KMT2A: variants seen among roughly 807,000 people sequenced by gnomAD.
KMT2A encodes the protein histone-lysine N-methyltransferase 2A.
In KMT2A, 16 loss-of-function variants were observed where a neutral mutation model predicts 345.3. The observed-to-expected ratio is 0.05, with a 90% CI of 0.03 to 0.07. The LOEUF is 0.07. Ranked by LOEUF, KMT2A falls within the 10% of genes least tolerant of loss-of-function variation. KMT2A has a pLI of 1.00. For missense variants in KMT2A, 3,272 were observed against 4,841.6 expected (o/e 0.68, Z 9.62); for synonymous variants, 1,599 against 1,778.6 (o/e 0.90, Z 2.54).
intron 31 of KMT2A, among the ~76,000 whole-genome samples, chr11:118,512,692 T>C (rs1162227844): frequency 6.6e-6 from 1 of 152,232 alleles, no homozygotes; most frequent in Non-Finnish European, 1.5e-5. Context: ...CTTTAACTTT[T>C]TGAAGTACTG....
intron 2 of KMT2A, among the ~76,000 whole-genome samples, 165 bp downstream of exon 2, chr11:118,469,009 A>C (rs1200865564): frequency 6.6e-6 from 1 of 152,020 alleles, no homozygotes; most frequent in Admixed American, 6.6e-5. Flanking sequence ...TTATTGTTAT[A>C]CTTTAAGTTT....
At chr11:118,455,794 C>T (rs923964449) in intron 1 of KMT2A, among the ~76,000 whole-genome samples, 1 of 151,696 alleles carries the variant, frequency 6.6e-6, no homozygotes, top group Non-Finnish European at 1.5e-5. Flanking sequence ...ACCTCCTGGG[C>T]TCTGGTGATC....
chr11:118,468,915 C>G, intron 2 of KMT2A, 71 bp downstream of exon 2: 1 of 1,190,780 alleles, frequency 8.4e-7, no homozygotes, highest in African/African-American at 1.5e-5. Context: ...CTCTTGCCTT[C>G]TTTACATGTA....
In KMT2A at chr11:118,484,939, G is replaced by A; in HGVS notation, c.4296G>A (p.Val1432=). The change falls in exon 10 of 36, where the codon GTG becomes GTA. Residue 1432 remains valine, a synonymous_variant. Coordinates refer to ENST00000534358, the MANE Select transcript of KMT2A (RefSeq NM_001197104.2). This position sits in a 1 kb window ranked among gnomAD's most constrained non-coding sequence, Gnocchi z 4.1. ...CTTCTGTTCCTATAACACCCAGGGTGGTTTGCTTTCTCTGTGCCAGTAGTG... is the reference window on the plus strand; with the variant it reads ...CTTCTGTTCCTATAACACCCAGGGTAGTTTGCTTTCTCTGTGCCAGTAGTG... The part of the protein sequence containing the change: ...ILTSVPITPR[V]VCFLCASSGH... The A allele has an allele frequency of 6.2e-7, 1 of 1,613,524 alleles. No individual in the cohort carries two copies. Among genetic ancestry groups the A allele is most frequent in the Non-Finnish European group, 8.5e-7 (1 of 1,179,712 alleles).
intron 6 of KMT2A, 109 bp from the exon 7 acceptor site, chr11:118,481,606 G>T (rs1950133414): frequency 1.7e-6 from 2 of 1,161,266 alleles, no homozygotes; most frequent in African/African-American, 3.1e-5. Context: ...CTTTATTTTG[G>T]TATATACCTA....
intron 31 of KMT2A, chr11:118,519,338 G>A (rs1950904929): frequency 3.0e-6 from 1 of 332,700 alleles, no homozygotes; most frequent in Admixed American, 4.0e-5. Context: ...CGTGTATATA[G>A]CATTAGCATA....
chr11:118,447,982 C>T, intron 1 of KMT2A: 1 of 156,506 alleles, frequency 6.4e-6, no homozygotes, highest in Non-Finnish European at 1.4e-5. Flanking sequence ...GTCCTGCCTA[C>T]ATATGTATAA....
In KMT2A at chr11:118,510,061, C is replaced by A. The variant is rs1225120880; in HGVS notation, c.11014C>A (p.Leu3672Ile). ...SITEKKPKKG[L>I]VFEISSDDGF... ...TACTGAGAAAAAACCCAAGAAAGGA[C>A]TTGTTTTTGAAATTTCCAGTGATGA... The change falls in exon 30 of 36, where the codon CTT (leucine) becomes ATT (isoleucine). Residue 3672 changes from leucine (L) to isoleucine (I), a missense_variant. This residue lies in a region of KMT2A where 748 missense variants were observed against 922.2 expected (regional missense o/e 0.81). Coordinates refer to ENST00000534358, the MANE Select transcript of KMT2A (RefSeq NM_001197104.2). This position sits in a 1 kb window ranked among gnomAD's most constrained non-coding sequence, Gnocchi z 4.1. 6.2e-7 allele frequency: 1 copy of A among 1,613,650 alleles called. No individual in the cohort carries two copies. Among genetic ancestry groups the A allele is most frequent in the Non-Finnish European group, 8.5e-7 (1 of 1,179,808 alleles).
chr11:118,507,415 T>C, intron 27 of KMT2A, 114 bp from the exon 28 acceptor site: 1 of 873,340 alleles, frequency 1.1e-6, no homozygotes, highest in Non-Finnish European at 1.8e-6. Flanking sequence ...TCAGTTTTGC[T>C]GGCTTATAGA....
chr11:118,509,128 T>A lies in KMT2A; in HGVS notation c.10836-8T>A, dbSNP rs1555049375. The A allele has an allele frequency of 6.2e-7, 1 of 1,613,208 alleles. No individual in the cohort carries two copies. The highest frequency in any genetic ancestry group is 8.5e-7 in the Non-Finnish European group (1 of 1,179,336). ...TGATATTATATCTTACATTTGGTTT[T>A]TATTTAGGCAAGTCGCTGTTCTTCC... On this transcript the variant is annotated splice_polypyrimidine_tract_variant and splice_region_variant and intron_variant, in intron 28 of 35. Coordinates refer to ENST00000534358, the MANE Select transcript of KMT2A (RefSeq NM_001197104.2).
In KMT2A at chr11:118,523,004, G is replaced by A. The variant is rs543633398; in HGVS notation, c.*832G>A. 4 of 221,508 alleles carry A rather than the reference G, an allele frequency of 1.8e-5. No individual in the cohort carries two copies. Among genetic ancestry groups the A allele is most frequent in the African/African-American group, 6.7e-5 (3 of 44,742 alleles). The allele number at this position is 221,508 out of a possible 1,614,324, so 13.7% of individuals were successfully genotyped here. A position where few individuals can be genotyped will look rare whatever the true frequency, so the allele number is the denominator to read the frequency against. On this transcript the variant is annotated 3_prime_UTR_variant, in exon 36 of 36. Coordinates refer to ENST00000534358, the MANE Select transcript of KMT2A (RefSeq NM_001197104.2). ...TCCCTGCTGGGCATAGGATGTGCCT[G>A]CAAAAAGTTCCCTGAGCCTGTAAGC... is the stretch of plus-strand genomic sequence containing the variant.
chr11:118,445,556 G>A (rs987830994), intron 1 of KMT2A, among the ~76,000 whole-genome samples: 1 of 152,222 alleles, frequency 6.6e-6, no homozygotes, highest in Non-Finnish European at 1.5e-5. Context: ...ATGAGTGCTG[G>A]TCTACAGAGA....
intron 1 of KMT2A, among the ~76,000 whole-genome samples, chr11:118,442,060 G>A (rs1428894862): frequency 1.3e-5 from 2 of 152,166 alleles, no homozygotes; most frequent in Non-Finnish European, 2.9e-5. Flanking sequence ...TTTAATTGTA[G>A]GTCTCCTAAT....
chr11:118,474,878 A>C (rs1950006546), intron 3 of KMT2A, among the ~76,000 whole-genome samples: 1 of 152,090 alleles, frequency 6.6e-6, no homozygotes, highest in Non-Finnish European at 1.5e-5. Flanking sequence ...TAATCCCATC[A>C]CTTTGGGAGG....
At chr11:118,467,801 A>G (rs1949873172) in intron 1 of KMT2A, among the ~76,000 whole-genome samples, 2 of 152,206 alleles carry the variant, frequency 1.3e-5, no homozygotes, top group South Asian at 4.1e-4. Context: ...ACTTACCACT[A>G]TAAATTGGAG....
chr11:118,522,897 T>A lies in KMT2A; in HGVS notation c.*725T>A, dbSNP rs1302537645. On this transcript the variant is annotated 3_prime_UTR_variant, in exon 36 of 36. Coordinates refer to ENST00000534358, the MANE Select transcript of KMT2A (RefSeq NM_001197104.2). This position sits in a 1 kb window ranked among gnomAD's most constrained non-coding sequence, Gnocchi z 5.4. The stretch of plus-strand genomic sequence containing the variant: ...CCCATTCCCTCTTCACTCCCTTTTC[T>A]TCCTTTCCCCTGTCTTCATGCCACT... 2 of 225,538 alleles carry A rather than the reference T, an allele frequency of 8.9e-6. No homozygotes were observed. The highest frequency in any genetic ancestry group is 1.8e-5 in the Non-Finnish European group (2 of 113,014). The allele number at this position is 225,538 out of a possible 1,614,324, so 14.0% of individuals were successfully genotyped here.
rs1949948082 is a variant in KMT2A, at chr11:118,471,870, T to C, written c.711T>C (p.His237=). 2.5e-6 allele frequency: 4 copies of C among 1,612,240 alleles called. No individual in the cohort carries two copies. Among genetic ancestry groups the C allele is most frequent in the East Asian group, 2.2e-5 (1 of 44,872 alleles). ...CTGGAGTAAAAATCAAAATAACACATGGAAAGGACATTTCAGAGTTACCAA... is the reference window on the plus strand; with the variant it reads ...CTGGAGTAAAAATCAAAATAACACACGGAAAGGACATTTCAGAGTTACCAA... ...TFPGVKIKIT[H]GKDISELPKG... Residue 237 remains histidine, a synonymous_variant, in exon 3 of 36, where the codon CAT becomes CAC. Coordinates refer to ENST00000534358, the MANE Select transcript of KMT2A (RefSeq NM_001197104.2).
Position 118,490,376 on chromosome 11 carries a change from T to A in KMT2A, c.4696+127T>A. On this transcript the variant is annotated intron_variant, in intron 13 of 35. Coordinates refer to ENST00000534358, the MANE Select transcript of KMT2A (RefSeq NM_001197104.2). This position sits in a 1 kb window ranked among gnomAD's most constrained non-coding sequence, Gnocchi z 4.2. ...TGTCAAGGATACCATTTAGACACAT[T>A]TCCTAAGTTCCTGTTTAGAACTTAG... 9.9e-7 allele frequency: 1 copy of A among 1,011,752 alleles called. No individual in the cohort carries two copies. The highest frequency in any genetic ancestry group is 1.4e-6 in the Non-Finnish European group (1 of 729,296). 62.7% of individuals were successfully genotyped at this position (1,011,752 alleles called of 1,614,324 possible). A position where few individuals can be genotyped will look rare whatever the true frequency, so the allele number is the denominator to read the frequency against.
intron 31 of KMT2A, among the ~76,000 whole-genome samples, chr11:118,515,682 C>CTTTTTTTTTTTTTTTTTT (rs11374365): frequency 1.0e-5 from 1 of 97,476 alleles, no homozygotes; most frequent in Non-Finnish European, 1.9e-5. Context: ...TTTTTCTGTC[C>CTTTTTTTTTTTTTTTTTT]TTTTTTTTTT....
Sources: allele counts gnomAD v4.1 joint callset (sites outside exome capture counted in the v4.1 genomes callset), GRCh38; gene constraint gnomAD v4.1.1; regional missense constraint gnomAD v4.1.1; non-coding constraint Gnocchi (gnomAD v3.1); transcripts MANE v1.5; gene names NCBI Gene and HGNC (gene_info 2026-07-23, HGNC 2026-07-21).